CFAP70: variants seen among roughly 807,000 people sequenced by gnomAD.
CFAP70 encodes cilia- and flagella-associated protein 70.
Under a neutral mutation model 137.6 loss-of-function variants are expected in CFAP70, and 81 were observed. The ratio of observed to expected loss-of-function variants is 0.59; its 90% CI spans 0.49 to 0.71. The LOEUF is 0.71. CFAP70 is among the 30% of genes least tolerant of loss of function. CFAP70 has a pLI of 0.00. For synonymous variants in CFAP70, 382 were observed against 423.6 expected, an observed-to-expected ratio of 0.90 and a Z score of 1.20; for missense variants, 976 against 1,226.7, an observed-to-expected ratio of 0.80 and a Z score of 3.05.
At chr10:73,255,980 T>C (rs2044450443) in intron 26 of CFAP70, among the ~76,000 whole-genome samples, 1 of 152,164 alleles carries the variant, frequency 6.6e-6, no homozygotes, top group Non-Finnish European at 1.5e-5. Flanking sequence ...TCCCCCAAAA[T>C]TTCCTATTTT....
rs1158760266 is a variant in CFAP70, at chr10:73,351,071, GTATA to G, written c.250+2481_250+2484del. On this transcript the variant is annotated intron_variant, in intron 3 of 26. Coordinates refer to ENST00000310715, the Ensembl canonical transcript of CFAP70. The stretch of plus-strand genomic sequence containing the variant: ...TGTGTGTGTGTGTGTGTGTGTGTGT[GTATA>G]TATATATATATATATATATATATAT... 6.5e-3 allele frequency among the ~76,000 whole-genome samples: 204 copies of G among 31,348 alleles called. 2 individuals are homozygous for G. The highest frequency in any genetic ancestry group is 0.042 in the South Asian group (31 of 742). The allele number at this position is 31,348 out of a possible 152,430, so 20.6% of individuals were successfully genotyped here.
chr10:73,273,514 A>C (rs111796868), intron 23 of CFAP70, among the ~76,000 whole-genome samples: 6 of 152,360 alleles, frequency 3.9e-5, no homozygotes, highest in African/African-American at 1.2e-4. Context: ...CTGAAGGGAC[A>C]ATTTCTTGTC....
chr10:73,337,581 T>A (rs2052795583), intron 6 of CFAP70, among the ~76,000 whole-genome samples: 2 of 152,064 alleles, frequency 1.3e-5, no homozygotes, highest in South Asian at 4.1e-4. Flanking sequence ...ACTTTGAACA[T>A]TTCCTGAAAA....
chr10:73,301,270 G>A (rs929029441), intron 12 of CFAP70, among the ~76,000 whole-genome samples: 1 of 152,182 alleles, frequency 6.6e-6, no homozygotes, highest in Admixed American at 6.5e-5. Context: ...CTGGTGGGAA[G>A]TGTCTGGGTC....
intron 4 of CFAP70, among the ~76,000 whole-genome samples, chr10:73,346,374 G>A (rs983264047): frequency 2.6e-5 from 4 of 151,530 alleles, no homozygotes; most frequent in Admixed American, 1.3e-4. Flanking sequence ...GTAGGATCTC[G>A]CCTGTAATCC....
At chr10:73,362,335 T>C (rs192996507), upstream of CFAP70, among the ~76,000 whole-genome samples, 1 of 152,316 alleles carries the variant, frequency 6.6e-6, no homozygotes, top group Non-Finnish European at 1.5e-5. Context: ...AGAATGTCAT[T>C]GCAATATTGA....
chr10:73,345,366 TA>T, intron 4 of CFAP70, 122 bp from the exon 6 acceptor site: 1 of 902,888 alleles, frequency 1.1e-6, no homozygotes, highest in Non-Finnish European at 1.7e-6. Flanking sequence ...ATTATTTCCA[TA>T]AGTTGAAACC....
intron 9 of CFAP70, among the ~76,000 whole-genome samples, chr10:73,317,932 T>C (rs1456923322): frequency 6.6e-6 from 1 of 152,184 alleles, no homozygotes; most frequent in African/African-American, 2.4e-5. Context: ...TCACTGTTAG[T>C]TACAAAGAGA....
chr10:73,293,999 G>A (rs2048360335), intron 15 of CFAP70: 1 of 152,112 alleles, frequency 6.6e-6, no homozygotes, highest in African/African-American at 2.4e-5. Context: ...AGAAGCTATG[G>A]TCAAGAAAGA....
chr10:73,341,214 T>A (rs1411484869), intron 6 of CFAP70, among the ~76,000 whole-genome samples, 185 bp downstream of exon 7: 1 of 152,220 alleles, frequency 6.6e-6, no homozygotes, highest in Non-Finnish European at 1.5e-5. Flanking sequence ...GTGATATAAA[T>A]TATTTTGTTT....
Position 73,341,497 on chromosome 10 carries a change from T to C in CFAP70, c.484A>G (p.Ile162Val), listed in dbSNP as rs752101207. The change falls in exon 6 of 27, where the codon ATT becomes GTT. Residue 162 changes from isoleucine (I) to valine (V), a missense_variant. Transcript: ENST00000310715. Reference sequence around the variant, plus strand: ...GCTCCTGGAGCCAGAATGTTGGCAATTGGCCACTTTTTGGGCCGGGGAACA... The same window carrying C: ...GCTCCTGGAGCCAGAATGTTGGCAACTGGCCACTTTTTGGGCCGGGGAACA... 1.8e-5 allele frequency: 29 copies of C among 1,614,108 alleles called. No homozygotes were observed. Among genetic ancestry groups the C allele is most frequent in the African/African-American group, 4.0e-5 (3 of 74,928 alleles).
chr10:73,274,474 T>G (rs949875412), exon 23 of CFAP70: 1 of 1,613,930 alleles, frequency 6.2e-7, no homozygotes, highest in East Asian at 2.2e-5. Flanking sequence ...CTCAGGAAGA[T>G]GAAGTGCATC....
chr10:73,336,574 A>G, intron 6 of CFAP70, among the ~76,000 whole-genome samples: 1 of 128,528 alleles, frequency 7.8e-6, no homozygotes, highest in Non-Finnish European at 1.7e-5. Context: ...GTGTTATACT[A>G]TTTTCCTTTT....
At chr10:73,348,109 T>C (rs1267985271) in intron 4 of CFAP70, 47 bp downstream of exon 5, 6 of 1,551,054 alleles carry the variant, frequency 3.9e-6, no homozygotes, top group Non-Finnish European at 5.3e-6. Flanking sequence ...ACAGAATTGT[T>C]ACATTGAATG....
At chr10:73,313,459 C>T (rs1007475778) in intron 9 of CFAP70, among the ~76,000 whole-genome samples, 10 of 148,866 alleles carry the variant, frequency 6.7e-5, no homozygotes, top group Non-Finnish European at 1.0e-4. Flanking sequence ...GGGAGAATCA[C>T]TTGAACCCAA....
At chr10:73,345,347 T>A in intron 4 of CFAP70, 103 bp from the exon 6 acceptor site, 1 of 1,032,720 alleles carries the variant, frequency 9.7e-7, no homozygotes, top group Non-Finnish European at 1.4e-6. Flanking sequence ...GATAAGAAGG[T>A]AAAGCTTAAT....
intron 25 of CFAP70, among the ~76,000 whole-genome samples, chr10:73,266,885 T>A (rs2045824643): frequency 1.3e-5 from 2 of 150,702 alleles, no homozygotes; most frequent in South Asian, 4.3e-4. Context: ...TTCATTTATT[T>A]CTACTCCTTA....
intron 9 of CFAP70, among the ~76,000 whole-genome samples, chr10:73,317,665 T>C (rs138014412): frequency 6.6e-6 from 1 of 152,338 alleles, no homozygotes; most frequent in East Asian, 1.9e-4. Flanking sequence ...CTTGGGACTC[T>C]TACTACATAT....
intron 1 of CFAP70, among the ~76,000 whole-genome samples, chr10:73,357,755 T>C (rs915485291): frequency 3.9e-5 from 6 of 152,240 alleles, no homozygotes; most frequent in Non-Finnish European, 7.3e-5. Context: ...CTTTGCATTT[T>C]TCCTTCCCCC....
Sources: gnomAD v4.1 joint callset for allele counts (sites outside exome capture counted in the v4.1 genomes callset) on GRCh38, gnomAD v4.1.1 for gene constraint, MANE v1.5 for transcripts, NCBI Gene and HGNC (gene_info 2026-07-23, HGNC 2026-07-21) for gene names.